SMURF2: variants seen among roughly 807,000 people sequenced by gnomAD.
SMURF2 encodes the protein SMAD specific E3 ubiquitin protein ligase 2.
In SMURF2, 48 loss-of-function variants were observed where a neutral mutation model predicts 109.6. The observed-to-expected ratio is 0.44, with a 90% CI of 0.35 to 0.56. SMURF2 has a LOEUF of 0.56. SMURF2 is among the 20% of genes least tolerant of loss of function. SMURF2 has a pLI of 0.01. For missense variants in SMURF2, 575 were observed against 909.0 expected (o/e 0.63, Z 4.72); for synonymous variants, 288 against 317.1 (o/e 0.91, Z 0.97).
At chr17:64,643,212 G>A (rs1454997814) in intron 1 of SMURF2, among the ~76,000 whole-genome samples, 1 of 151,788 alleles carries the variant, frequency 6.6e-6, no homozygotes, top group Non-Finnish European at 1.5e-5. Context: ...TGGTAGAGTC[G>A]GAGTTTTGCC....
At chr17:64,608,274 T>C (rs979410908) in intron 1 of SMURF2, among the ~76,000 whole-genome samples, 1 of 151,998 alleles carries the variant, frequency 6.6e-6, no homozygotes, top group Non-Finnish European at 1.5e-5. Context: ...TAAATAAATA[T>C]AACTAATCAC....
chr17:64,591,899 ATATTT>A (rs1487395144), intron 4 of SMURF2, among the ~76,000 whole-genome samples: 1 of 152,240 alleles, frequency 6.6e-6, no homozygotes, highest in African/African-American at 2.4e-5. Context: ...TGCTCAATAA[ATATTT>A]GATAAATTCA....
intron 6 of SMURF2, among the ~76,000 whole-genome samples, chr17:64,584,369 T>C (rs1280891531): frequency 6.9e-6 from 1 of 145,834 alleles, no homozygotes; most frequent in African/African-American, 2.6e-5. Context: ...TTCTTTTTTT[T>C]TTTTTTTTGA....
Position 64,606,888 on chromosome 17 carries a change from G to A in SMURF2, c.53-248C>T, listed in dbSNP as rs1450225502. Among the ~76,000 whole-genome samples the A allele has an allele frequency of 5.9e-5, 9 of 152,018 alleles. No individual in the cohort carries two copies. In the East Asian group the frequency reaches 1.7e-3, roughly 29 times the overall value. Reference sequence around the variant, plus strand: ...AATCTGATATTCTAATAATAAGGTAGAAATTCAATTCCTATCTTCCATCAA... The same window carrying A: ...AATCTGATATTCTAATAATAAGGTAAAAATTCAATTCCTATCTTCCATCAA... On this transcript the variant is annotated intron_variant, in intron 1 of 18. Coordinates refer to ENST00000262435, the MANE Select transcript of SMURF2 (RefSeq NM_022739.4).
intron 1 of SMURF2, among the ~76,000 whole-genome samples, chr17:64,652,551 A>C (rs1382713844): frequency 1.3e-5 from 2 of 152,194 alleles, no homozygotes; most frequent in Non-Finnish European, 2.9e-5. Flanking sequence ...GCAGTGGCAC[A>C]ATCTCAGCTC....
chr17:64,653,519 G>A (rs1180525161), intron 1 of SMURF2, among the ~76,000 whole-genome samples: 4 of 151,566 alleles, frequency 2.6e-5, no homozygotes, highest in South Asian at 2.1e-4. Context: ...GCAGTGGTGT[G>A]AGCACAGCAC....
chr17:64,627,008 C>T (rs1017601810), intron 1 of SMURF2, among the ~76,000 whole-genome samples: 17 of 151,088 alleles, frequency 1.1e-4, no homozygotes, highest in African/African-American at 3.4e-4. Context: ...TTTAAGCCAC[C>T]GCAACTGATA....
rs199534087 is a variant in SMURF2 at position 64,651,573 on chromosome 17, G to GA, written c.52+10255dup. Among the ~76,000 whole-genome samples the GA allele has an allele frequency of 5.0e-3, 563 of 112,322 alleles. 1 individual carries two copies. The highest frequency in any genetic ancestry group is 9.9e-3 in the African/African-American group (325 of 32,672). 73.7% of individuals were successfully genotyped at this position (112,322 alleles called of 152,430 possible). A position where few individuals can be genotyped will look rare whatever the true frequency, so the allele number is the denominator to read the frequency against. On this transcript the variant is annotated intron_variant, in intron 1 of 18. Transcript: ENST00000262435. ...GGCGACAGAGCAAGACCCTACCTCA[G>GA]AAAAAAAAAAAAAGAGAAGAAAAGA... is the stretch of plus-strand genomic sequence containing the variant.
intron 1 of SMURF2, among the ~76,000 whole-genome samples, chr17:64,652,112 A>T (rs1200505707): frequency 6.6e-6 from 1 of 152,166 alleles, no homozygotes; most frequent in Non-Finnish European, 1.5e-5. Context: ...CTCTTTCATC[A>T]CATCAGTAAG....
At chr17:64,561,418 T>G in intron 12 of SMURF2, 82 bp downstream of exon 12, 111 of 866,278 alleles carry the variant, frequency 1.3e-4, no homozygotes, top group Non-Finnish European at 1.7e-4. Context: ...TAAATGTCGA[T>G]GAGAAAGTTA....
In SMURF2 at chr17:64,545,450, C is replaced by T; in HGVS notation, c.*398G>A. The T allele has an allele frequency of 6.4e-6, 1 of 155,636 alleles. No individual in the cohort carries two copies. Among genetic ancestry groups the T allele is most frequent in the Non-Finnish European group, 1.4e-5 (1 of 70,140 alleles). 9.6% of individuals were successfully genotyped at this position (155,636 alleles called of 1,614,324 possible). A position where few individuals can be genotyped will look rare whatever the true frequency, so the allele number is the denominator to read the frequency against. ...CAATCAAAATGAAATGTGACTTGTA[C>T]CGACTGCTGAAGTTGTCTTGATGTT... On this transcript the variant is annotated 3_prime_UTR_variant, in exon 19 of 19. Coordinates refer to ENST00000262435, the MANE Select transcript of SMURF2 (RefSeq NM_022739.4).
At chr17:64,577,596 A>G (rs1272371836) in intron 9 of SMURF2, among the ~76,000 whole-genome samples, 1 of 151,494 alleles carries the variant, frequency 6.6e-6, no homozygotes, top group Non-Finnish European at 1.5e-5. Context: ...TAAAAAAAAA[A>G]AAAGAGAGAG....
intron 1 of SMURF2, among the ~76,000 whole-genome samples, chr17:64,656,296 T>A (rs954270509): frequency 6.6e-6 from 1 of 152,164 alleles, no homozygotes; most frequent in Non-Finnish European, 1.5e-5. Context: ...GTAGCAAATA[T>A]GACAACAGGT....
In SMURF2 at chr17:64,661,867, C is replaced by T. The variant is rs977140040; in HGVS notation, c.14G>A (p.Gly5Glu). 1.6e-6 allele frequency: 2 copies of T among 1,215,664 alleles called. No individual in the cohort carries two copies. The highest frequency in any genetic ancestry group is 3.2e-5 in the African/African-American group (2 of 63,414). The allele number at this position is 1,215,664 out of a possible 1,614,324, so 75.3% of individuals were successfully genotyped here. MSNP[G>E]GRRNGPVKLR... ...CTTGACGGGCCCGTTCCTCCGGCCT[C>T]CGGGGTTAGACATGTCCCCGGCGGC... The change falls in exon 1 of 19, where the codon GGA (glycine) becomes GAA (glutamate). Residue 5 changes from glycine to glutamate, a missense_variant. Around this residue, in one of 5 missense-constraint regions of SMURF2, gnomAD observed 30 missense variants for 34.5 expected, o/e 0.87. Coordinates refer to ENST00000262435, the MANE Select transcript of SMURF2 (RefSeq NM_022739.4).
In SMURF2 at chr17:64,642,410, T is replaced by C. The variant is rs1970504230; in HGVS notation, c.52+19419A>G. Among the ~76,000 whole-genome samples, 5 of 152,198 alleles carry C rather than the reference T, an allele frequency of 3.3e-5. No homozygotes were observed. The South Asian group carries it at 1.0e-3, about 31-fold the overall frequency. On this transcript the variant is annotated intron_variant, in intron 1 of 18. Coordinates refer to ENST00000262435, the MANE Select transcript of SMURF2 (RefSeq NM_022739.4). ...TAAATATACTTATCAGGCCACTGAG[T>C]AGTCAACTGAGAGCCTTGCACTATA...
At position 64,547,121 on chromosome 17, in the gene SMURF2, T is replaced by C. The variant is rs1968968011; in HGVS notation, c.2071+479A>G. Among the ~76,000 whole-genome samples, 1 of 152,224 alleles carries C rather than the reference T, an allele frequency of 6.6e-6. No individual in the cohort carries two copies. The highest frequency in any genetic ancestry group is 2.1e-4 in the South Asian group (1 of 4,832). On this transcript the variant is annotated intron_variant, in intron 17 of 18. Transcript: ENST00000262435. The surrounding 1 kb of genome is among the most constrained non-coding windows in gnomAD (Gnocchi z 4.2). ...GAAAACCATTCTTAAAAAAGGAATA[T>C]GGTTGTAAACAAATGGTCTGATGCC...
chr17:64,631,711 A>C (rs1371723062), intron 1 of SMURF2, among the ~76,000 whole-genome samples: 5 of 152,144 alleles, frequency 3.3e-5, no homozygotes, highest in African/African-American at 1.2e-4. Context: ...CATGACCCTA[A>C]TTCCACCTCT....
Position 64,592,272 on chromosome 17 carries a change from T to C in SMURF2, c.335-1123A>G, listed in dbSNP as rs111974867. Among the ~76,000 whole-genome samples the C allele has an allele frequency of 5.7e-3, 862 of 152,298 alleles. 13 individuals carry two copies. The highest frequency in any genetic ancestry group is 0.02 in the African/African-American group (816 of 41,528). ...TGTAAACTTATTGAACTAGGGATAA[T>C]GTCAGACATTTGACCTATAAGTTTT... On this transcript the variant is annotated intron_variant, in intron 4 of 18. Transcript: ENST00000262435.
chr17:64,561,618 T>G lies in SMURF2; in HGVS notation c.1213-15A>C. ...CGATATGATTCCTGAAAAAAATAAT[T>G]TTTAATACCCTATTACTATTAGGTC... is the stretch of plus-strand genomic sequence containing the variant. On this transcript the variant is annotated splice_polypyrimidine_tract_variant and intron_variant, in intron 11 of 18. Coordinates refer to ENST00000262435, the MANE Select transcript of SMURF2 (RefSeq NM_022739.4). 6.4e-7 allele frequency: 1 copy of G among 1,569,000 alleles called. No homozygotes were observed. Among genetic ancestry groups the G allele is most frequent in the Admixed American group, 1.7e-5 (1 of 59,814 alleles).
Sources: allele counts gnomAD v4.1 joint callset (sites outside exome capture counted in the v4.1 genomes callset), GRCh38; gene constraint gnomAD v4.1.1; regional missense constraint gnomAD v4.1.1; non-coding constraint Gnocchi (gnomAD v3.1); transcripts MANE v1.5; gene names NCBI Gene and HGNC (gene_info 2026-07-23, HGNC 2026-07-21).